ZBTB7C: variants seen among roughly 807,000 people sequenced by gnomAD.
The protein encoded by ZBTB7C is zinc finger and BTB domain-containing protein 7C.
ZBTB7C carries 8 observed loss-of-function variants against 25.7 expected under a neutral mutation model. That is an observed-to-expected ratio of 0.31 (90% CI 0.18 to 0.56). ZBTB7C has a LOEUF of 0.56. Ranked by LOEUF, ZBTB7C falls within the 20% of genes least tolerant of loss-of-function variation. ZBTB7C has a pLI of 0.91. For missense variants in ZBTB7C, 824 were observed against 855.2 expected (o/e 0.96, Z 0.46); for synonymous variants, 394 against 369.0 (o/e 1.07, Z -0.78).
chr18:48,249,825 C>T (rs1219718444), intron 2 of ZBTB7C, among the ~76,000 whole-genome samples: 1 of 151,366 alleles, frequency 6.6e-6, no homozygotes, highest in Non-Finnish European at 1.5e-5. Flanking sequence ...TTTAACACTC[C>T]CTCTGCTGTG....
At chr18:48,271,348 G>T (rs965896557) in intron 2 of ZBTB7C, among the ~76,000 whole-genome samples, 1 of 151,892 alleles carries the variant, frequency 6.6e-6, no homozygotes, top group Non-Finnish European at 1.5e-5. Flanking sequence ...ATTTTTAAAA[G>T]TCTCAAATCA....
chr18:48,290,440 G>T (rs144962446), intron 2 of ZBTB7C, among the ~76,000 whole-genome samples: 36 of 152,354 alleles, frequency 2.4e-4, no homozygotes, highest in Non-Finnish European at 4.9e-4. Flanking sequence ...GAAGAGGTTT[G>T]CAGCCTTCCA....
At chr18:48,214,091 T>C (rs1402280694) in intron 2 of ZBTB7C, among the ~76,000 whole-genome samples, 1 of 152,246 alleles carries the variant, frequency 6.6e-6, no homozygotes, top group African/African-American at 2.4e-5. Flanking sequence ...GAAAGACTGG[T>C]GGCTGCTTTT....
At chr18:48,055,833 C>A (rs1490943442) in intron 3 of ZBTB7C, among the ~76,000 whole-genome samples, 1 of 152,064 alleles carries the variant, frequency 6.6e-6, no homozygotes, top group Non-Finnish European at 1.5e-5. Flanking sequence ...GTTTCCAGAC[C>A]ATCATAAATT....
chr18:48,336,824 A>G (rs2046468385), intron 2 of ZBTB7C, among the ~76,000 whole-genome samples: 1 of 152,110 alleles, frequency 6.6e-6, no homozygotes, highest in Non-Finnish European at 1.5e-5. Context: ...AGCCAAGTCC[A>G]AGAAGTACAG....
intron 1 of ZBTB7C, among the ~76,000 whole-genome samples, chr18:48,372,892 A>G (rs1015427326): frequency 1.4e-4 from 22 of 152,082 alleles, no homozygotes; most frequent in Admixed American, 1.2e-3. Flanking sequence ...CAAACTGGCA[A>G]TCGTTCCTCA....
At chr18:48,363,205 G>C (rs73435276) in intron 1 of ZBTB7C, among the ~76,000 whole-genome samples, 1 of 151,380 alleles carries the variant, frequency 6.6e-6, no homozygotes, top group African/African-American at 2.4e-5. Flanking sequence ...CTTGCTGCTC[G>C]GGAGGGAGGG....
At chr18:48,217,911 G>A (rs1489750289) in intron 2 of ZBTB7C, among the ~76,000 whole-genome samples, 1 of 152,058 alleles carries the variant, frequency 6.6e-6, no homozygotes, top group African/African-American at 2.4e-5. Flanking sequence ...CAACATCACC[G>A]TCCCAGGGGG....
chr18:48,350,610 T>C (rs2046842403), intron 1 of ZBTB7C: 1 of 152,112 alleles, frequency 6.6e-6, no homozygotes, highest in Non-Finnish European at 1.5e-5. Flanking sequence ...AAATAACAAA[T>C]ACATTCACAT....
rs368718307 is a variant in ZBTB7C, at chr18:48,040,781, G to C, written c.327C>G (p.Asn109Lys). The change falls in exon 4 of 5, where the codon AAC becomes AAG. Residue 109 changes from asparagine (N) to lysine (K), a missense_variant. Transcript: ENST00000590800. ...ITAGNVKHIL[N>K]AARMLEIQCI... ...ACTGGATCTCCAGCATCCTGGCTGC[G>C]TTGAGGATGTGCTTGACATTGCCAG... is the stretch of plus-strand genomic sequence containing the variant. 6.2e-7 allele frequency: 1 copy of C among 1,614,034 alleles called. No individual in the cohort carries two copies. The highest frequency in any genetic ancestry group is 1.1e-5 in the South Asian group (1 of 91,078).
intron 2 of ZBTB7C, among the ~76,000 whole-genome samples, chr18:48,312,342 C>G (rs1183651050): frequency 6.6e-6 from 1 of 152,206 alleles, no homozygotes; most frequent in Non-Finnish European, 1.5e-5. Context: ...GTCAAGCTCC[C>G]TTCCTGGCCT....
At chr18:48,062,144 C>T (rs1473038599) in intron 3 of ZBTB7C, among the ~76,000 whole-genome samples, 1 of 152,200 alleles carries the variant, frequency 6.6e-6, no homozygotes, top group African/African-American at 2.4e-5. Context: ...AAAAGGATTT[C>T]CTCTGAAAAC....
chr18:48,141,847 G>T (rs1002404350), intron 3 of ZBTB7C, among the ~76,000 whole-genome samples: 1 of 152,172 alleles, frequency 6.6e-6, no homozygotes, highest in Non-Finnish European at 1.5e-5. Flanking sequence ...CCAATCACAG[G>T]CTATGACCTC....
At chr18:48,075,872 C>A (rs529779246) in intron 3 of ZBTB7C, among the ~76,000 whole-genome samples, 3 of 152,336 alleles carry the variant, frequency 2.0e-5, no homozygotes, top group East Asian at 3.9e-4. Context: ...CCCATCCTCC[C>A]AAATCCGCTC....
At chr18:48,034,302 C>G (rs573856682) in intron 4 of ZBTB7C, among the ~76,000 whole-genome samples, 104 of 152,252 alleles carry the variant, frequency 6.8e-4, no homozygotes, top group African/African-American at 2.3e-3. Flanking sequence ...ACACTCTGGG[C>G]AACTCTGCAT....
intron 2 of ZBTB7C, among the ~76,000 whole-genome samples, chr18:48,199,479 T>C (rs1047425770): frequency 2.6e-5 from 4 of 152,234 alleles, no homozygotes; most frequent in Admixed American, 1.3e-4. Context: ...GTTTCTTTTT[T>C]ATAACCTTCC....
intron 3 of ZBTB7C, among the ~76,000 whole-genome samples, chr18:48,107,629 G>A (rs532266838): frequency 1.3e-5 from 2 of 152,262 alleles, no homozygotes; most frequent in Non-Finnish European, 1.5e-5. Context: ...GCCTCTGGGA[G>A]GAGAACCCGG....
intron 3 of ZBTB7C, among the ~76,000 whole-genome samples, chr18:48,163,453 C>T (rs1373348919): frequency 6.6e-6 from 1 of 152,198 alleles, no homozygotes; most frequent in African/African-American, 2.4e-5. Flanking sequence ...ATCCCATCAC[C>T]CATTCCATGA....
At chr18:48,055,381 G>A (rs1002281404) in intron 3 of ZBTB7C, among the ~76,000 whole-genome samples, 1 of 134,608 alleles carries the variant, frequency 7.4e-6, no homozygotes, top group Non-Finnish European at 1.5e-5. Flanking sequence ...CTGCACTCCA[G>A]CATGGGTGAC....
Sources: gnomAD v4.1 joint callset for allele counts (sites outside exome capture counted in the v4.1 genomes callset) on GRCh38, gnomAD v4.1.1 for gene constraint, MANE v1.5 for transcripts, NCBI Gene and HGNC (gene_info 2026-07-23, HGNC 2026-07-21) for gene names.